The following TENM2 variants were observed in gnomAD, a reference collection of about 807,000 sequenced individuals.
TENM2 encodes the protein teneurin-2.
In TENM2, 52 loss-of-function variants were observed where a neutral mutation model predicts 245.2. The ratio of observed to expected loss-of-function variants is 0.21; its 90% confidence interval spans 0.17 to 0.27. The LOEUF (loss-of-function observed/expected upper bound fraction) is 0.27, where lower values mean the gene tolerates loss of function less well. Ranked by LOEUF, TENM2 falls within the 10% of genes least tolerant of loss-of-function variation. The pLI, the probability that TENM2 is intolerant of heterozygous loss-of-function variation, is 1.00. For missense variants in TENM2, 3,046 were observed against 3,666.8 expected, an observed-to-expected ratio of 0.83 and a Z score of 4.37; for synonymous variants, 1,363 against 1,438.9, an observed-to-expected ratio of 0.95 and a Z score of 1.19.
At chr5:167,736,159 G>T (rs1760782057) in intron 2 of TENM2, among the ~76,000 whole-genome samples, 1 of 152,136 alleles carries the variant, frequency 6.6e-6, no homozygotes, top group African/African-American at 2.4e-5. Context: ...CATGGCAGCA[G>T]CGAGGAGAAG....
At chr5:167,782,436 G>T (rs1440011221) in intron 2 of TENM2, among the ~76,000 whole-genome samples, 1 of 151,902 alleles carries the variant, frequency 6.6e-6, no homozygotes, top group Non-Finnish European at 1.5e-5. Flanking sequence ...GCTTTAGATG[G>T]CCCAAGCAAG....
At chr5:167,874,528 C>T (rs930740999) in intron 2 of TENM2, among the ~76,000 whole-genome samples, 1 of 152,142 alleles carries the variant, frequency 6.6e-6, no homozygotes, top group Non-Finnish European at 1.5e-5. Flanking sequence ...CAACACTCAC[C>T]TTGTCCTCAA....
chr5:168,031,581 GA>G (rs1787143865), intron 5 of TENM2, among the ~76,000 whole-genome samples: 2 of 151,858 alleles, frequency 1.3e-5, no homozygotes, highest in Admixed American at 6.6e-5. Flanking sequence ...TGCAGATGAG[GA>G]AAATGAGGGT....
intron 12 of TENM2, chr5:168,129,066 C>T (rs979166319): frequency 3.9e-5 from 6 of 151,992 alleles, no homozygotes; most frequent in African/African-American, 1.5e-4. Context: ...AGGACACCAA[C>T]TGTAGCTTGA....
At chr5:168,159,568 A>G (rs1481325368) in intron 12 of TENM2, among the ~76,000 whole-genome samples, 1 of 152,204 alleles carries the variant, frequency 6.6e-6, no homozygotes, top group Non-Finnish European at 1.5e-5. Context: ...AACACAAAGG[A>G]TCACTTCCTC....
intron 1 of TENM2, among the ~76,000 whole-genome samples, chr5:167,373,240 A>G (rs1760546380): frequency 6.6e-6 from 1 of 152,218 alleles, no homozygotes; most frequent in Non-Finnish European, 1.5e-5. Context: ...AAAAAGACAT[A>G]TGTCTATTAC....
intron 2 of TENM2, among the ~76,000 whole-genome samples, chr5:167,562,861 G>A (rs556219176): frequency 1.3e-5 from 2 of 151,776 alleles, no homozygotes; most frequent in African/African-American, 4.8e-5. Context: ...GGAGGCTGAG[G>A]CAGGAGAATC....
At chr5:167,150,379 A>C in the TENM2 span, among the ~76,000 whole-genome samples, 1 of 152,210 alleles carries the variant, frequency 6.6e-6, no homozygotes, top group East Asian at 1.9e-4. Context: ...GGGCAAATAA[A>C]AGAATTTTTG....
intron 2 of TENM2, among the ~76,000 whole-genome samples, chr5:167,573,682 C>A (rs1296710435): frequency 6.6e-6 from 1 of 152,018 alleles, no homozygotes; most frequent in Non-Finnish European, 1.5e-5. Context: ...GCGGTGCTTT[C>A]GCCAGGCAGC....
At chr5:167,391,939 G>A (rs1385055410) in intron 2 of TENM2, among the ~76,000 whole-genome samples, 1 of 152,068 alleles carries the variant, frequency 6.6e-6, no homozygotes, top group African/African-American at 2.4e-5. Flanking sequence ...AGAGGAGGGA[G>A]CCAGGAGCAA....
At chr5:167,293,973 G>A (rs975498732) in intron 1 of TENM2, among the ~76,000 whole-genome samples, 1 of 71,040 alleles carries the variant, frequency 1.4e-5, no homozygotes, top group African/African-American at 5.0e-5. Flanking sequence ...GTAGATGTGA[G>A]TTCTGTGTGT....
intron 14 of TENM2, among the ~76,000 whole-genome samples, chr5:168,191,614 G>A (rs141244283): frequency 1.4e-3 from 207 of 151,418 alleles, no homozygotes; most frequent in African/African-American, 4.5e-3. Context: ...CAGCCCTGAC[G>A]ACCCCCATTG....
chr5:167,496,439 CAGTT>C (rs1429732541), intron 2 of TENM2, among the ~76,000 whole-genome samples: 4 of 152,104 alleles, frequency 2.6e-5, no homozygotes, highest in Non-Finnish European at 5.9e-5. Flanking sequence ...CAACAACAAT[CAGTT>C]AGTAATCCTT....
chr5:168,141,865 C>CA (rs1208011819), intron 12 of TENM2, among the ~76,000 whole-genome samples: 1 of 152,184 alleles, frequency 6.6e-6, no homozygotes, highest in Non-Finnish European at 1.5e-5. Flanking sequence ...CTCAAAGCGT[C>CA]AGACGGATCA....
At chr5:168,204,720 A>G (rs1162948892) in intron 19 of TENM2, 99 bp downstream of exon 21, 2 of 1,458,860 alleles carry the variant, frequency 1.4e-6, no homozygotes, top group Non-Finnish European at 1.9e-6. Flanking sequence ...TCTCCAGAGA[A>G]GATATAGTCC....
At chr5:167,117,699 C>G in the TENM2 span, among the ~76,000 whole-genome samples, 1 of 152,102 alleles carries the variant, frequency 6.6e-6, no homozygotes, top group Non-Finnish European at 1.5e-5. Context: ...CAGGTTTTCT[C>G]AACACCAGCA....
chr5:167,612,993 C>A (rs769677205), intron 2 of TENM2, among the ~76,000 whole-genome samples: 15 of 152,130 alleles, frequency 9.9e-5, no homozygotes, highest in Non-Finnish European at 2.9e-5. Flanking sequence ...TAAAAATTTC[C>A]TGTTGGCAGA....
intron 4 of TENM2, among the ~76,000 whole-genome samples, chr5:167,984,803 T>C (rs1444505662): frequency 6.6e-6 from 1 of 152,128 alleles, no homozygotes; most frequent in Non-Finnish European, 1.5e-5. Context: ...ATTTTTCTCG[T>C]TATCTCTTTT....
chr5:167,333,318 T>C (rs1757563991), intron 1 of TENM2, among the ~76,000 whole-genome samples: 1 of 152,210 alleles, frequency 6.6e-6, no homozygotes, highest in East Asian at 1.9e-4. Flanking sequence ...CTTCACCTCT[T>C]AGCCTCGATT....
Sources: allele counts gnomAD v4.1 joint callset (sites outside exome capture counted in the v4.1 genomes callset), GRCh38; gene constraint gnomAD v4.1.1; transcripts MANE v1.5; gene names NCBI Gene and HGNC (gene_info 2026-07-23, HGNC 2026-07-21).